Variants in MALRD1 observed in about 807,000 individuals in gnomAD.
MALRD1 encodes the protein MAM and LDL receptor class A domain containing 1, also known as MAM and LDL-receptor class A domain-containing protein 1.
In MALRD1, 247 loss-of-function variants were observed where a neutral mutation model predicts 242.1. That is an observed-to-expected ratio of 1.02 (90% confidence interval 0.92 to 1.13). The LOEUF is 1.13. Among genes scored for constraint, MALRD1 ranks in the 50% most tolerant of loss-of-function variants. The pLI, the probability that MALRD1 is intolerant of heterozygous loss-of-function variation, is 0.00. For missense variants in MALRD1, 2,989 were observed against 2,533.1 expected, an observed-to-expected ratio of 1.18 and a Z score of -3.86; for synonymous variants, 995 against 866.6, an observed-to-expected ratio of 1.15 and a Z score of -2.60.
intron 5 of MALRD1, among the ~76,000 whole-genome samples, chr10:19,116,713 C>T (rs1836881816): frequency 2.0e-5 from 3 of 152,104 alleles, no homozygotes; most frequent in Admixed American, 2.0e-4. Flanking sequence ...AAGCCTTATT[C>T]CACTAATCAT....
At chr10:19,418,170 T>C (rs1833583021) in intron 28 of MALRD1, among the ~76,000 whole-genome samples, 2 of 152,078 alleles carry the variant, frequency 1.3e-5, no homozygotes, top group South Asian at 4.1e-4. Context: ...TCTATAGATA[T>C]AGATATGTTG....
intron 21 of MALRD1, among the ~76,000 whole-genome samples, chr10:19,306,201 A>AGT (rs1842184950): frequency 7.9e-6 from 1 of 125,852 alleles, no homozygotes; most frequent in South Asian, 2.7e-4. Flanking sequence ...TTACATATAT[A>AGT]GTATATATAT....
At chr10:19,501,285 GT>G (rs986166947) in intron 31 of MALRD1, among the ~76,000 whole-genome samples, 2 of 152,140 alleles carry the variant, frequency 1.3e-5, no homozygotes, top group African/African-American at 4.8e-5. Context: ...TTTGTAAGAT[GT>G]TTAGCAGCAC....
intron 28 of MALRD1, among the ~76,000 whole-genome samples, chr10:19,423,177 T>TCC (rs1833778220): frequency 6.6e-6 from 1 of 152,118 alleles, no homozygotes; most frequent in African/African-American, 2.4e-5. Flanking sequence ...GAAGATTTTG[T>TCC]CAGATTGCAA....
chr10:19,238,418 A>T (rs182736518), intron 18 of MALRD1, among the ~76,000 whole-genome samples: 1,673 of 65,704 alleles, frequency 0.025, 170 homozygotes, highest in African/African-American at 0.1. Flanking sequence ...ATAATATATA[A>T]TATACATTAT....
At chr10:19,489,790 T>C (rs1837402130) in intron 29 of MALRD1, among the ~76,000 whole-genome samples, 2 of 152,348 alleles carry the variant, frequency 1.3e-5, no homozygotes, top group Non-Finnish European at 2.9e-5. Flanking sequence ...AAATTACTTC[T>C]ATTCCCATGT....
chr10:19,204,297 T>TTAA lies in MALRD1; in HGVS notation c.2105-11_2105-10insTAA. On this transcript the variant is annotated splice_polypyrimidine_tract_variant and intron_variant, in intron 15 of 39. Transcript: ENST00000454679. ...TAATGAAGCGTTTTTTTTTTTTTTT[T>TTAA]ATCTCAACAGGGCATTTTATGTTCA... 1 of 1,487,568 alleles carries TTAA rather than the reference T, an allele frequency of 6.7e-7. No individual in the cohort carries two copies. The highest frequency in any genetic ancestry group is 9.0e-7 in the Non-Finnish European group (1 of 1,112,886). 92.1% of individuals were successfully genotyped at this position (1,487,568 alleles called of 1,614,324 possible).
intron 2 of MALRD1, among the ~76,000 whole-genome samples, chr10:19,069,463 A>T (rs1835075877): frequency 6.6e-6 from 1 of 152,002 alleles, no homozygotes; most frequent in African/African-American, 2.4e-5. Context: ...ATATTCTTTT[A>T]TCATATTTAT....
At chr10:19,148,185 T>C (rs1190419398) in intron 11 of MALRD1, among the ~76,000 whole-genome samples, 1 of 151,072 alleles carries the variant, frequency 6.6e-6, no homozygotes, top group Admixed American at 6.6e-5. Context: ...CAGTGAGAGA[T>C]GATGAAGGCC....
At position 19,331,402 on chromosome 10, in the gene MALRD1, A is replaced by G; in HGVS notation, c.3721A>G (p.Ile1241Val). Reference sequence around the variant, plus strand: ...CAGAGCCAAACGTGGTATCAGTTACATAGGAGATGTAGCAGTGGATGATAT... The same window carrying G: ...CAGAGCCAAACGTGGTATCAGTTACGTAGGAGATGTAGCAGTGGATGATAT... ...VFRAKRGISY[I>V]GDVAVDDISF... is the part of the protein sequence containing the mutation. Residue 1241 changes from isoleucine to valine, a missense_variant, in exon 24 of 40, where the codon ATA (isoleucine) becomes GTA (valine). By Grantham distance (29) the Ile-to-Val change is conservative. Transcript: ENST00000454679. 1 of 1,550,496 alleles carries G rather than the reference A, an allele frequency of 6.4e-7. No homozygotes were observed. The highest frequency in any genetic ancestry group is 8.7e-7 in the Non-Finnish European group (1 of 1,146,884).
intron 18 of MALRD1, among the ~76,000 whole-genome samples, chr10:19,231,390 G>A (rs545491794): frequency 6.6e-6 from 1 of 152,222 alleles, no homozygotes; most frequent in South Asian, 2.1e-4. Flanking sequence ...AGGGAATCTG[G>A]CCTCAGACAG....
At chr10:19,301,773 A>G (rs985058772) in intron 21 of MALRD1, among the ~76,000 whole-genome samples, 3 of 151,736 alleles carry the variant, frequency 2.0e-5, no homozygotes, top group Non-Finnish European at 4.4e-5. Context: ...TATGCTCATT[A>G]TCTGATGACA....
intron 34 of MALRD1, among the ~76,000 whole-genome samples, chr10:19,600,091 G>A (rs1175078337): frequency 6.6e-6 from 1 of 152,122 alleles, no homozygotes; most frequent in Non-Finnish European, 1.5e-5. Context: ...AGCGGTGGAT[G>A]TGTCCTGTGA....
At chr10:19,318,795 T>C (rs1338933709) in intron 21 of MALRD1, among the ~76,000 whole-genome samples, 2 of 152,118 alleles carry the variant, frequency 1.3e-5, no homozygotes, top group Non-Finnish European at 2.9e-5. Context: ...TTATTAATTT[T>C]AAATTCACTT....
chr10:19,306,125 A>AGTATATATATACTATATAG, intron 21 of MALRD1, among the ~76,000 whole-genome samples: 1 of 82,532 alleles, frequency 1.2e-5, no homozygotes, highest in Non-Finnish European at 2.3e-5. Context: ...ACTATCTAGT[A>AGTATATATATACTATATAG]TATATAGTAT....
At position 19,205,048 on chromosome 10, in the gene MALRD1, C is replaced by T. The variant is rs1836724718; in HGVS notation, c.2361C>T (p.Pro787=). ...TTCAGCTAGGGCGCCTTTCGCAGCC[C>T]TTCCATTTGTCACTAGATAAAGTCA... ...ATIQLGRLSQ[P]FHLSLDKVSL... is the part of the protein sequence containing the mutation. Residue 787 remains proline (P), a synonymous_variant, in exon 17 of 40, where the codon CCC becomes CCT. Transcript: ENST00000454679. The T allele has an allele frequency of 6.4e-7, 1 of 1,550,742 alleles. No individual in the cohort carries two copies. Among genetic ancestry groups the T allele is most frequent in the East Asian group, 2.4e-5 (1 of 40,914 alleles).
At chr10:19,451,518 A>G (rs3864829) in intron 29 of MALRD1, among the ~76,000 whole-genome samples, 45,302 of 152,112 alleles carry the variant, frequency 0.3, 6,830 homozygotes, top group Admixed American at 0.39. Context: ...TTTGGTTTCC[A>G]AAATAATCCT....
intron 18 of MALRD1, among the ~76,000 whole-genome samples, chr10:19,238,342 T>TTATACATAA (rs1564492180): frequency 3.9e-5 from 3 of 77,428 alleles, no homozygotes; most frequent in African/African-American, 1.8e-4. Context: ...ACATAATATA[T>TTATACATAA]TATACATAAT....
chr10:19,186,149 T>A (rs1346849392), intron 14 of MALRD1, among the ~76,000 whole-genome samples: 1 of 152,172 alleles, frequency 6.6e-6, no homozygotes, highest in African/African-American at 2.4e-5. Context: ...TATTGGTAAA[T>A]AAGTCTCTGT....
Sources: gnomAD v4.1 joint callset for allele counts (sites outside exome capture counted in the v4.1 genomes callset) on GRCh38, gnomAD v4.1.1 for gene constraint, MANE v1.5 for transcripts, NCBI Gene and HGNC (gene_info 2026-07-23, HGNC 2026-07-21) for gene names.